The following TRIM2 variants were observed in gnomAD, a reference collection of about 807,000 sequenced individuals.
TRIM2 encodes tripartite motif containing 2.
Under a neutral mutation model 75.2 loss-of-function variants are expected in TRIM2, and 20 were observed. That is an observed-to-expected ratio of 0.27 (90% CI 0.19 to 0.39). TRIM2 has a LOEUF of 0.39. Ranked by LOEUF, TRIM2 falls within the 10% of genes least tolerant of loss-of-function variation. The probability of loss-of-function intolerance (pLI) is 1.00; values close to 1 mark genes in which losing one functional copy is unlikely to be tolerated. For missense variants in TRIM2, 660 were observed against 990.8 expected (o/e 0.67, Z 4.48); for synonymous variants, 373 against 388.3 (o/e 0.96, Z 0.46).
chr4:153,200,967 G>T (rs1267655122), upstream of TRIM2, among the ~76,000 whole-genome samples: 2 of 150,718 alleles, frequency 1.3e-5, no homozygotes, highest in Non-Finnish European at 3.0e-5. Flanking sequence ...TGGTTTTTTG[G>T]GTTTTTTTTC....
intron 6 of TRIM2, among the ~76,000 whole-genome samples, chr4:153,298,614 G>A (rs113003499): frequency 1.2e-4 from 18 of 152,068 alleles, no homozygotes; most frequent in Non-Finnish European, 1.3e-4. Flanking sequence ...TTTGATATAT[G>A]CATACCTTAT....
intron 1 of TRIM2, among the ~76,000 whole-genome samples, chr4:153,265,009 C>A (rs764241708): frequency 6.6e-6 from 1 of 152,156 alleles, no homozygotes; most frequent in Non-Finnish European, 1.5e-5. Context: ...CTTGCTCTCA[C>A]CCACTACAAT....
At chr4:153,279,819 T>C (rs1276966599) in intron 3 of TRIM2, among the ~76,000 whole-genome samples, 2 of 152,144 alleles carry the variant, frequency 1.3e-5, no homozygotes, top group Middle Eastern at 3.4e-3. Flanking sequence ...GGCACATGAC[T>C]GTAGTCGCAG....
chr4:153,265,260 T>A (rs979495288), intron 1 of TRIM2, among the ~76,000 whole-genome samples: 1 of 152,094 alleles, frequency 6.6e-6, no homozygotes, highest in Admixed American at 6.5e-5. Flanking sequence ...ATGAAAAATT[T>A]CAAAAGCTAT....
chr4:153,179,823 G>A (rs958832148), intron 1 of TRIM2, among the ~76,000 whole-genome samples: 12 of 152,198 alleles, frequency 7.9e-5, no homozygotes, highest in Admixed American at 2.6e-4. Flanking sequence ...CACTTGGGCC[G>A]TCGTGGCCCT....
intron 1 of TRIM2, among the ~76,000 whole-genome samples, chr4:153,166,443 TG>T (rs1730314876): frequency 6.6e-6 from 1 of 152,134 alleles, no homozygotes; most frequent in African/African-American, 2.4e-5. Context: ...TTTCTTTGGG[TG>T]ATCCCAAAAG....
chr4:153,231,590 A>T, intron 1 of TRIM2, among the ~76,000 whole-genome samples: 1 of 152,230 alleles, frequency 6.6e-6, no homozygotes, highest in Non-Finnish European at 1.5e-5. Context: ...GAGGTGAAAT[A>T]AGGAGGTGGA....
At chr4:153,324,178 T>G (rs1769621677) in intron 10 of TRIM2, 30 bp downstream of exon 10, 1 of 1,576,736 alleles carries the variant, frequency 6.3e-7, no homozygotes, top group Non-Finnish European at 8.7e-7. Context: ...TGTTGTTAAC[T>G]TTTAACTGCT....
chr4:153,217,609 G>C (rs1374971016), intron 1 of TRIM2, among the ~76,000 whole-genome samples: 1 of 152,214 alleles, frequency 6.6e-6, no homozygotes, highest in Non-Finnish European at 1.5e-5. Context: ...CTGCCTCTCA[G>C]TAATTCTCAC....
At chr4:153,204,603 AGCTGGTTAATCCGGG>A (rs1249966618) in intron 1 of TRIM2, 43 bp downstream of exon 1, 1 of 1,551,498 alleles carries the variant, frequency 6.4e-7, no homozygotes, top group Non-Finnish European at 8.7e-7. Context: ...TTTCTGGGCC[AGCTGGTTAATCCGGG>A]GCTGGGAGAA....
At chr4:153,260,726 A>ACACACACACACACACACAC (rs768881075) in intron 1 of TRIM2, among the ~76,000 whole-genome samples, 1 of 101,578 alleles carries the variant, frequency 9.8e-6, no homozygotes, top group African/African-American at 3.8e-5. Context: ...ACACACACAC[A>ACACACACACACACACACAC]TCATCATCAT....
At chr4:153,318,578 C>A (rs17029862) in intron 8 of TRIM2, among the ~76,000 whole-genome samples, 4,716 of 152,076 alleles carry the variant, frequency 0.031, 239 homozygotes, top group African/African-American at 0.11. Context: ...AAGACATACC[C>A]AAATATGACA....
At position 153,337,876 on chromosome 4, in the gene TRIM2, G is replaced by A. The variant is rs1772627676; in HGVS notation, c.*2910G>A. The A allele has an allele frequency of 8.1e-6, 8 of 985,616 alleles. No individual in the cohort carries two copies. Among genetic ancestry groups the A allele is most frequent in the Non-Finnish European group, 9.6e-6 (8 of 829,928 alleles). The allele number at this position is 985,616 out of a possible 1,614,324, so 61.1% of individuals were successfully genotyped here. On this transcript the variant is annotated 3_prime_UTR_variant, in exon 12 of 12. Coordinates refer to ENST00000338700, the MANE Select transcript of TRIM2 (RefSeq NM_015271.5). ...CGGTTGGGATTTCAAGGTCAGTGAC[G>A]ACGCATTTCCTCCCAGTACAGACCC...
chr4:153,213,008 C>T (rs935951129), intron 1 of TRIM2, among the ~76,000 whole-genome samples: 5 of 152,178 alleles, frequency 3.3e-5, no homozygotes, highest in African/African-American at 4.8e-5. Context: ...GCCTGGGAAG[C>T]TTTGTGTGCA....
intron 1 of TRIM2, among the ~76,000 whole-genome samples, chr4:153,254,506 C>A (rs1352136726): frequency 6.6e-6 from 1 of 152,304 alleles, no homozygotes; most frequent in Admixed American, 6.5e-5. Flanking sequence ...GCCCTTGAGA[C>A]CCCCGAGTCC....
upstream of TRIM2, among the ~76,000 whole-genome samples, chr4:153,202,656 G>T (rs983037412): frequency 2.1e-5 from 3 of 145,236 alleles, no homozygotes; most frequent in Admixed American, 2.1e-4. Context: ...CCGAGATCAC[G>T]CCACTGCACT....
At chr4:153,253,866 A>G (rs1751428348) in intron 1 of TRIM2, among the ~76,000 whole-genome samples, 1 of 152,230 alleles carries the variant, frequency 6.6e-6, no homozygotes, top group South Asian at 2.1e-4. Context: ...CATATCATCA[A>G]GAAATAACCA....
intron 1 of TRIM2, among the ~76,000 whole-genome samples, chr4:153,181,271 G>A (rs908819354): frequency 6.6e-6 from 1 of 152,226 alleles, no homozygotes; most frequent in Non-Finnish European, 1.5e-5. Flanking sequence ...TTCAGTGCAG[G>A]CATTTAGCAT....
chr4:153,264,812 T>C (rs1331040989), intron 1 of TRIM2, among the ~76,000 whole-genome samples: 3 of 152,164 alleles, frequency 2.0e-5, no homozygotes, highest in African/African-American at 7.2e-5. Flanking sequence ...AGGATCATTA[T>C]CCTGGCAAAT....
Sources: allele counts gnomAD v4.1 joint callset (sites outside exome capture counted in the v4.1 genomes callset), GRCh38; gene constraint gnomAD v4.1.1; transcripts MANE v1.5; gene names NCBI Gene and HGNC (gene_info 2026-07-23, HGNC 2026-07-21).